CNTNAP5: variants seen among roughly 807,000 people sequenced by gnomAD.
CNTNAP5 encodes the protein contactin associated protein family member 5.
CNTNAP5 carries 72 observed loss-of-function variants against 150.2 expected under a neutral mutation model. The observed-to-expected ratio is 0.48, with a 90% CI of 0.40 to 0.58. The LOEUF is 0.58. Among genes scored for constraint, CNTNAP5 ranks in the 20% least tolerant of loss-of-function variants. The pLI, the probability that CNTNAP5 is intolerant of heterozygous loss-of-function variation, is 0.00. For synonymous variants in CNTNAP5, 672 were observed against 619.8 expected, an observed-to-expected ratio of 1.08 and a Z score of -1.25; for missense variants, 1,636 against 1,626.2, an observed-to-expected ratio of 1.01 and a Z score of -0.10.
At chr2:124,399,840 C>T (rs753672666) in intron 3 of CNTNAP5, among the ~76,000 whole-genome samples, 5 of 152,156 alleles carry the variant, frequency 3.3e-5, no homozygotes, top group Non-Finnish European at 5.9e-5. Flanking sequence ...ACCTTGAACA[C>T]TGACACTTTA....
chr2:124,734,431 A>G (rs1021041292), intron 13 of CNTNAP5, among the ~76,000 whole-genome samples: 9 of 152,124 alleles, frequency 5.9e-5, no homozygotes. Flanking sequence ...AACCTCACTG[A>G]TATTTTCAAA....
At chr2:124,867,110 C>T (rs1189107165) in intron 20 of CNTNAP5, among the ~76,000 whole-genome samples, 1 of 152,046 alleles carries the variant, frequency 6.6e-6, no homozygotes, top group Non-Finnish European at 1.5e-5. Context: ...TAGCATTCTC[C>T]TTCCTCCCTC....
intron 22 of CNTNAP5, among the ~76,000 whole-genome samples, chr2:124,907,847 G>A (rs1163214478): frequency 6.7e-6 from 1 of 150,152 alleles, no homozygotes; most frequent in Non-Finnish European, 1.5e-5. Context: ...TACTGAAGCT[G>A]TCATCATACT....
chr2:124,706,509 G>C (rs1426151587), intron 13 of CNTNAP5, among the ~76,000 whole-genome samples: 1 of 152,030 alleles, frequency 6.6e-6, no homozygotes, highest in African/African-American at 2.4e-5. Flanking sequence ...AACTTTGGGA[G>C]GCCGAGGCAG....
At chr2:124,783,920 G>T (rs1681506414) in intron 17 of CNTNAP5, among the ~76,000 whole-genome samples, 1 of 152,154 alleles carries the variant, frequency 6.6e-6, no homozygotes, top group African/African-American at 2.4e-5. Flanking sequence ...TGAAATTAAA[G>T]TCTACAGTAG....
chr2:124,195,647 T>A (rs1685564585), intron 1 of CNTNAP5, among the ~76,000 whole-genome samples: 1 of 152,068 alleles, frequency 6.6e-6, no homozygotes, highest in Non-Finnish European at 1.5e-5. Context: ...TTCAAAAAGC[T>A]AGCAAGATTA....
chr2:124,350,834 A>G (rs1689860476), intron 3 of CNTNAP5, among the ~76,000 whole-genome samples: 1 of 152,148 alleles, frequency 6.6e-6, no homozygotes, highest in Non-Finnish European at 1.5e-5. Context: ...TGAGATAGTA[A>G]CTCAGTTACC....
At chr2:124,353,302 A>G (rs1291163010) in intron 3 of CNTNAP5, among the ~76,000 whole-genome samples, 1 of 151,792 alleles carries the variant, frequency 6.6e-6, no homozygotes, top group Non-Finnish European at 1.5e-5. Context: ...AAAAAAAAAA[A>G]AAAAAAAGAT....
intron 3 of CNTNAP5, among the ~76,000 whole-genome samples, chr2:124,379,709 C>G (rs1219684154): frequency 6.6e-6 from 1 of 152,128 alleles, no homozygotes; most frequent in African/African-American, 2.4e-5. Flanking sequence ...CTTGTGAGGT[C>G]TGGCAGCGCC....
intron 3 of CNTNAP5, among the ~76,000 whole-genome samples, chr2:124,404,662 G>A (rs145268270): frequency 6.6e-6 from 1 of 152,324 alleles, no homozygotes; most frequent in East Asian, 1.9e-4. Context: ...ATATTCTTCT[G>A]TGTGTCAATC....
In CNTNAP5 at chr2:124,215,712, C is replaced by CAA. The variant is rs397985759; in HGVS notation, c.83-5973_83-5972dup. Among the ~76,000 whole-genome samples the CAA allele has an allele frequency of 1.5e-3, 120 of 82,030 alleles. 1 individual carries two copies. The highest frequency in any genetic ancestry group is 2.0e-3 in the Non-Finnish European group (79 of 40,464). 53.8% of individuals were successfully genotyped at this position (82,030 alleles called of 152,430 possible). On this transcript the variant is annotated intron_variant, in intron 1 of 23. Transcript: ENST00000682447. ...GTATTGAAGATGAATAGAAGAAAGG[C>CAA]AAAAAAAAAAAAAAAAAAAAAGAAG...
rs80151807 is a variant in CNTNAP5 at position 124,500,025 on chromosome 2, T to C, written c.1063-4267T>C. Among the ~76,000 whole-genome samples the C allele has an allele frequency of 0.015, 2,300 of 151,950 alleles. 109 individuals carry two copies. The East Asian group carries it at 0.16, about 11-fold the overall frequency. On this transcript the variant is annotated intron_variant, in intron 7 of 23. Coordinates refer to ENST00000682447, the MANE Select transcript of CNTNAP5 (RefSeq NM_001367498.1). The stretch of plus-strand genomic sequence containing the variant: ...AGCCTGAACGCTGGAGAAGACGAGA[T>C]GAAATTTCTTGATGGAGCCAAGAGG...
intron 19 of CNTNAP5, among the ~76,000 whole-genome samples, chr2:124,846,590 T>C (rs1268043803): frequency 2.6e-5 from 4 of 152,174 alleles, no homozygotes; most frequent in African/African-American, 9.6e-5. Flanking sequence ...GATTCCCTCT[T>C]GGTTTGGATC....
At chr2:124,733,653 T>A (rs187563379) in intron 13 of CNTNAP5, among the ~76,000 whole-genome samples, 29 of 152,278 alleles carry the variant, frequency 1.9e-4, no homozygotes, top group Middle Eastern at 6.8e-3. Flanking sequence ...GTAGAGGTAT[T>A]GAAGAGCAGA....
At chr2:124,706,797 G>GAAGAAGAAGAAGAAGAAGAAA (rs1558743005) in intron 13 of CNTNAP5, among the ~76,000 whole-genome samples, 1 of 10,998 alleles carries the variant, frequency 9.1e-5, no homozygotes, top group African/African-American at 3.0e-4. Context: ...AGAAGAAGAA[G>GAAGAAGAAGAAGAAGAAGAAA]GAGGAGGAGG....
intron 3 of CNTNAP5, among the ~76,000 whole-genome samples, chr2:124,349,874 C>CTTTTTTTT (rs70996061): frequency 0.013 from 1,087 of 81,738 alleles, 205 homozygotes; most frequent in African/African-American, 0.03. Flanking sequence ...CTGGCTATTT[C>CTTTTTTTT]TTTTTTTTTT....
intron 1 of CNTNAP5, among the ~76,000 whole-genome samples, chr2:124,040,075 A>G (rs1429861289): frequency 6.6e-6 from 1 of 152,186 alleles, no homozygotes; most frequent in Non-Finnish European, 1.5e-5. Flanking sequence ...ATGGAAATTA[A>G]TATCTACTTA....
At chr2:124,732,083 G>A (rs1457648852) in intron 13 of CNTNAP5, among the ~76,000 whole-genome samples, 1 of 152,038 alleles carries the variant, frequency 6.6e-6, no homozygotes, top group African/African-American at 2.4e-5. Context: ...GTATTACAAT[G>A]CAAAATAGCA....
chr2:124,428,962 A>G (rs1692304522), intron 4 of CNTNAP5, among the ~76,000 whole-genome samples: 1 of 152,136 alleles, frequency 6.6e-6, no homozygotes, highest in African/African-American at 2.4e-5. Flanking sequence ...TCCTTTCTAC[A>G]CACTTTCTTT....
Sources: allele counts gnomAD v4.1 joint callset (sites outside exome capture counted in the v4.1 genomes callset), GRCh38; gene constraint gnomAD v4.1.1; transcripts MANE v1.5; gene names NCBI Gene and HGNC (gene_info 2026-07-23, HGNC 2026-07-21).